DLG2: variants seen among roughly 807,000 people sequenced by gnomAD.
DLG2 encodes discs large MAGUK scaffold protein 2.
Under a neutral mutation model 132.5 loss-of-function variants are expected in DLG2, and 45 were observed. That is an observed-to-expected ratio of 0.34 (90% CI 0.27 to 0.44). The LOEUF is 0.44. Among genes scored for constraint, DLG2 ranks in the 20% least tolerant of loss-of-function variants. The pLI, the probability that DLG2 is intolerant of heterozygous loss-of-function variation, is 1.00. For missense variants in DLG2, 1,045 were observed against 1,196.9 expected, an observed-to-expected ratio of 0.87 and a Z score of 1.87; for synonymous variants, 424 against 419.6, an observed-to-expected ratio of 1.01 and a Z score of -0.13.
intron 6 of DLG2, among the ~76,000 whole-genome samples, chr11:84,691,321 A>G (rs2058013716): frequency 6.6e-6 from 1 of 151,872 alleles, no homozygotes; most frequent in Non-Finnish European, 1.5e-5. Context: ...CTCTGTGTTG[A>G]GAAAACATTT....
chr11:84,889,269 A>G (rs2088896090), intron 6 of DLG2, among the ~76,000 whole-genome samples: 2 of 152,310 alleles, frequency 1.3e-5, no homozygotes, highest in African/African-American at 2.4e-5. Context: ...AGCGCTAGGT[A>G]ATAGCAAATA....
At chr11:85,120,892 T>C (rs1260378904) in intron 5 of DLG2, among the ~76,000 whole-genome samples, 4 of 152,006 alleles carry the variant, frequency 2.6e-5, no homozygotes, top group Non-Finnish European at 5.9e-5. Context: ...GTCATTTCTG[T>C]CTAGGGGTTT....
At chr11:84,967,632 C>A (rs1187241217) in intron 6 of DLG2, among the ~76,000 whole-genome samples, 2 of 152,002 alleles carry the variant, frequency 1.3e-5, no homozygotes, top group East Asian at 3.9e-4. Context: ...CAAATGACCC[C>A]TTTAGTGAAT....
At chr11:83,675,491 GAGA>G (rs1181647186) in intron 18 of DLG2, among the ~76,000 whole-genome samples, 1 of 152,104 alleles carries the variant, frequency 6.6e-6, no homozygotes, top group East Asian at 1.9e-4. Context: ...AAGTAAAAAG[GAGA>G]AGAAGAAGAT....
intron 6 of DLG2, among the ~76,000 whole-genome samples, chr11:85,071,835 C>T (rs1035810895): frequency 6.6e-6 from 1 of 151,800 alleles, no homozygotes; most frequent in Non-Finnish European, 1.5e-5. Flanking sequence ...TTTAAGTATC[C>T]TTACATCTCT....
At position 84,861,048 on chromosome 11, in the gene DLG2, A is replaced by T. The variant is rs2083543510; in HGVS notation, c.357+250613T>A. On this transcript the variant is annotated intron_variant, in intron 6 of 27. Coordinates refer to ENST00000376104, the MANE Select transcript of DLG2 (RefSeq NM_001142699.3). ...GCTCACAATTAGTAAGAGGAAGGCA[A>T]AGAAGTAAACAACCACAATACAGTA... is the stretch of plus-strand genomic sequence containing the variant. Among the ~76,000 whole-genome samples the T allele has an allele frequency of 5.9e-5, 9 of 152,130 alleles. No individual in the cohort carries two copies. In the South Asian group the frequency reaches 1.9e-3, roughly 32 times the overall value.
intron 12 of DLG2, among the ~76,000 whole-genome samples, chr11:83,972,198 C>G (rs2091464176): frequency 6.6e-6 from 1 of 152,098 alleles, no homozygotes; most frequent in South Asian, 2.1e-4. Context: ...CAACTTGATA[C>G]AGGGAGAATA....
At chr11:84,967,235 C>T (rs752005006) in intron 6 of DLG2, among the ~76,000 whole-genome samples, 30 of 152,082 alleles carry the variant, frequency 2.0e-4, no homozygotes, top group Non-Finnish European at 2.8e-4. Context: ...AGGCAACTAT[C>T]GGGAACACAT....
intron 3 of DLG2, among the ~76,000 whole-genome samples, chr11:85,461,570 T>A (rs370635264): frequency 8.5e-5 from 13 of 152,172 alleles, no homozygotes; most frequent in South Asian, 4.1e-4. Context: ...AAGAGGCCAG[T>A]GATGGGAAGT....
intron 8 of DLG2, among the ~76,000 whole-genome samples, chr11:84,242,777 T>A (rs150250410): frequency 6.6e-6 from 1 of 152,198 alleles, no homozygotes; most frequent in African/African-American, 2.4e-5. Flanking sequence ...CTTTCAGTAA[T>A]TGCTGACATT....
chr11:85,431,914 T>C (rs895098737), intron 3 of DLG2, among the ~76,000 whole-genome samples: 19 of 152,162 alleles, frequency 1.2e-4, no homozygotes, highest in Admixed American at 1.2e-3. Flanking sequence ...GTGTTCCTAC[T>C]GGCATCAGGT....
At chr11:85,504,613 C>T (rs538025216) in intron 3 of DLG2, among the ~76,000 whole-genome samples, 9 of 152,124 alleles carry the variant, frequency 5.9e-5, no homozygotes, top group South Asian at 4.1e-4. Flanking sequence ...TTGGTTACTG[C>T]AGCCTTGTAG....
intron 7 of DLG2, among the ~76,000 whole-genome samples, chr11:84,523,922 A>G (rs191159512): frequency 5.9e-4 from 90 of 152,302 alleles, no homozygotes; most frequent in African/African-American, 2.1e-3. Flanking sequence ...TATTGTTATT[A>G]ATACTATGTA....
At chr11:84,737,415 T>C (rs1596952655) in intron 6 of DLG2, among the ~76,000 whole-genome samples, 1 of 151,910 alleles carries the variant, frequency 6.6e-6, no homozygotes, top group African/African-American at 2.4e-5. Context: ...ATGATTTGCA[T>C]AGAATGGGTG....
At chr11:84,972,974 TG>T (rs2054319828) in intron 6 of DLG2, among the ~76,000 whole-genome samples, 1 of 151,546 alleles carries the variant, frequency 6.6e-6, no homozygotes, top group South Asian at 2.1e-4. Context: ...CTTTTTTTTT[TG>T]AGACAGAGTT....
chr11:84,991,083 C>CA (rs1196247187), intron 6 of DLG2, among the ~76,000 whole-genome samples: 11 of 152,190 alleles, frequency 7.2e-5, no homozygotes, highest in African/African-American at 2.4e-4. Context: ...CAGATAAATA[C>CA]ACAGAATGAA....
chr11:84,317,172 T>C (rs1296808158), intron 7 of DLG2: 1 of 1,586,438 alleles, frequency 6.3e-7, no homozygotes, highest in African/African-American at 1.3e-5. Flanking sequence ...CTCTTTCCTT[T>C]GGTCAGCTCT....
intron 7 of DLG2, among the ~76,000 whole-genome samples, chr11:84,332,508 C>CTTTTTTT (rs34149557): frequency 6.4e-5 from 5 of 78,314 alleles, no homozygotes; most frequent in Admixed American, 1.5e-4. Context: ...CCGCGCCTGG[C>CTTTTTTT]TTTTTTTTTT....
Position 85,553,355 on chromosome 11 carries a change from A to C in DLG2, c.40+45302T>G, listed in dbSNP as rs566937065. Among the ~76,000 whole-genome samples, 88 of 151,792 alleles carry C rather than the reference A, an allele frequency of 5.8e-4. 2 individuals are homozygous for C. The highest frequency in any genetic ancestry group is 1.4e-3 in the Admixed American group (22 of 15,204). On this transcript the variant is annotated intron_variant, in intron 3 of 27. Transcript: ENST00000376104. ...ATGAAAAAGGGGACAAAAATTCCTA[A>C]CTTCATTAAGCTTACATCATATGTA...
Sources: allele counts gnomAD v4.1 joint callset (sites outside exome capture counted in the v4.1 genomes callset), GRCh38; gene constraint gnomAD v4.1.1; transcripts MANE v1.5; gene names NCBI Gene and HGNC (gene_info 2026-07-23, HGNC 2026-07-21).